Variants in BRD1 observed in about 807,000 individuals in gnomAD.
BRD1 encodes the protein bromodomain containing 1.
Under a neutral mutation model 107.7 loss-of-function variants are expected in BRD1, and 24 were observed. That is an observed-to-expected ratio of 0.22 (90% CI 0.16 to 0.31). The LOEUF is 0.31. Among genes scored for constraint, BRD1 ranks in the 10% least tolerant of loss-of-function variants. The pLI is 1.00. For synonymous variants in BRD1, 744 were observed against 686.1 expected (o/e 1.08, Z -1.32); for missense variants, 1,279 against 1,638.6 (o/e 0.78, Z 3.79).
At chr22:49,800,467 T>C (rs1349292785) in intron 3 of BRD1, among the ~76,000 whole-genome samples, 2 of 152,082 alleles carry the variant, frequency 1.3e-5, no homozygotes, top group Non-Finnish European at 2.9e-5. Context: ...AGCATCTGAG[T>C]ATTGCCTGTC....
chr22:49,787,297 A>AGGGGGG, intron 8 of BRD1, 93 bp downstream of exon 8: 2 of 896,438 alleles, frequency 2.2e-6, no homozygotes, highest in Non-Finnish European at 3.1e-6. Context: ...CAGAAGCTGG[A>AGGGGGG]CACCCCCCCC....
rs113610383 is a variant in BRD1 at position 49,784,373 on chromosome 22, G to A, written c.2857+3017C>T. Among the ~76,000 whole-genome samples the A allele has an allele frequency of 1.1e-3, 170 of 152,196 alleles. 1 individual carries two copies. The highest frequency in any genetic ancestry group is 3.9e-3 in the African/African-American group (160 of 41,458). ...ACAGAGACTCGCAGCAGGGGTCTCC[G>A]CAACGGCGGCGAGTGGAAGGCCGCT... On this transcript the variant is annotated intron_variant, in intron 8 of 12. Transcript: ENST00000404760.
intron 8 of BRD1, among the ~76,000 whole-genome samples, chr22:49,782,508 C>A (rs987619925): frequency 5.7e-5 from 8 of 140,254 alleles, no homozygotes; most frequent in African/African-American, 2.2e-4. Context: ...CTTGCTGGGA[C>A]CTGCTCCATG....
intron 8 of BRD1, among the ~76,000 whole-genome samples, chr22:49,782,767 G>GA (rs1315630868): frequency 8.1e-6 from 1 of 122,990 alleles, no homozygotes; most frequent in Non-Finnish European, 1.7e-5. Context: ...GTCAGAGACA[G>GA]ACCCAAAGCC....
intron 2 of BRD1, among the ~76,000 whole-genome samples, chr22:49,821,250 G>C: frequency 6.6e-6 from 1 of 152,162 alleles, no homozygotes; most frequent in East Asian, 1.9e-4. Context: ...GCCAGGGAAG[G>C]GAGCACTTCA....
chr22:49,796,783 C>T (rs866904196), intron 6 of BRD1, among the ~76,000 whole-genome samples: 19 of 152,240 alleles, frequency 1.2e-4, no homozygotes, highest in Admixed American at 5.9e-4. Flanking sequence ...GGCGAAGCAA[C>T]GATGGCCCAG....
rs1487242752 is a variant in BRD1 at position 49,823,204 on chromosome 22, C to T, written c.1114G>A (p.Gly372Ser). Residue 372 changes from glycine to serine, a missense_variant, in exon 2 of 13, where the codon GGC (glycine) becomes AGC (serine). Physicochemically the swap from Gly to Ser is moderately conservative, Grantham distance 56 (BLOSUM62 0). Transcript: ENST00000404760. Reference sequence around the variant, plus strand: ...CTGACGGAGAAGGTGGTGCCACCGCCAGTCAGTTCCTTCACGGGCTCCATT... The same window carrying T: ...CTGACGGAGAAGGTGGTGCCACCGCTAGTCAGTTCCTTCACGGGCTCCATT... ...MKMEPVKELT[G>S]GGTTFSVRKT... The T allele has an allele frequency of 6.2e-7, 1 of 1,614,218 alleles. No homozygotes were observed. The highest frequency in any genetic ancestry group is 1.3e-5 in the African/African-American group (1 of 75,062).
At chr22:49,804,162 G>A (rs2059696974) in intron 3 of BRD1, 42 bp downstream of exon 3, 2 of 1,515,996 alleles carry the variant, frequency 1.3e-6, no homozygotes, top group East Asian at 2.4e-5. Context: ...GAGGGTGGGG[G>A]TGAGAGACGC....
rs919845787 is a variant in BRD1, at chr22:49,827,610, G to A, written c.-128C>T. 1 of 145,306 alleles carries A rather than the reference G, an allele frequency of 6.9e-6. No individual in the cohort carries two copies. The highest frequency in any genetic ancestry group is 2.5e-5 in the African/African-American group (1 of 40,564). The allele number at this position is 145,306 out of a possible 1,614,324, so 9.0% of individuals were successfully genotyped here. A position where few individuals can be genotyped will look rare whatever the true frequency, so the allele number is the denominator to read the frequency against. On this transcript the variant is annotated 5_prime_UTR_variant, in exon 1 of 13. Transcript: ENST00000404760. ...CCTCCGCCAACGGCCGCGCAGGCCG[G>A]GCCCCGCCGCCGCTCCTGGGCGCGG...
rs1168745456 is a variant in BRD1 at position 49,787,620 on chromosome 22, T to C, written c.2627A>G (p.Asp876Gly). The C allele has an allele frequency of 3.4e-5, 53 of 1,551,374 alleles. No homozygotes were observed. Among genetic ancestry groups the C allele is most frequent in the Non-Finnish European group, 4.4e-5 (51 of 1,147,354 alleles). Residue 876 changes from aspartate (D) to glycine (G), a missense_variant, in exon 8 of 13, where the codon GAT becomes GGT. By Grantham distance (94) the Asp-to-Gly change is moderately conservative. Coordinates refer to ENST00000404760, the MANE Select transcript of BRD1 (RefSeq NM_001304808.3). ...AASAVAEPAS[D>G]VNRRTSVLFC... is the part of the protein sequence containing the mutation. ...GAGAACAGAAGTGCGTCTGTTTACA[T>C]CGCTTGCTGGCTCCGCCACCGCGGA...
intron 5 of BRD1, 145 bp downstream of exon 5, chr22:49,798,413 A>C: frequency 7.2e-7 from 1 of 1,389,662 alleles, no homozygotes; most frequent in Non-Finnish European, 9.9e-7. Flanking sequence ...TCACTTTTAT[A>C]ATTTAAAAAC....
intron 8 of BRD1, among the ~76,000 whole-genome samples, chr22:49,779,336 C>T (rs2059159945): frequency 6.6e-6 from 1 of 152,236 alleles, no homozygotes. Context: ...CCGCTTCATA[C>T]ACTTGCTGTC....
rs770812595 is a variant in BRD1 at position 49,787,577 on chromosome 22, A to T, written c.2670T>A (p.Ser890Arg). ...TCTTGGCAGACTTTGGGGGGCTTAC[A>T]CTTTTCGATTTGCAGAAGAGAACAG... ...RTSVLFCKSK[S>R]VSPPKSAKNT... The change falls in exon 8 of 13, where the codon AGT (serine) becomes AGA (arginine). Residue 890 changes from serine (S) to arginine (R), a missense_variant. Around this residue, in one of 7 missense-constraint regions of BRD1, gnomAD observed 263 missense variants for 251.6 expected, o/e 1.05. Coordinates refer to ENST00000404760, the MANE Select transcript of BRD1 (RefSeq NM_001304808.3). 13 of 1,571,066 alleles carry T rather than the reference A, an allele frequency of 8.3e-6. No homozygotes were observed. The highest frequency in any genetic ancestry group is 1.4e-5 in the African/African-American group (1 of 73,548).
intron 7 of BRD1, among the ~76,000 whole-genome samples, chr22:49,788,845 C>T (rs904883349): frequency 6.6e-6 from 1 of 152,136 alleles, no homozygotes; most frequent in African/African-American, 2.4e-5. Flanking sequence ...TTAAATAATC[C>T]TTAGTATATA....
chr22:49,794,393 T>TGA, intron 6 of BRD1, 99 bp from the exon 7 acceptor site: 1 of 1,474,964 alleles, frequency 6.8e-7, no homozygotes, highest in Non-Finnish European at 9.1e-7. Flanking sequence ...GCCAAGGCCC[T>TGA]GAGAGTGGCT....
At chr22:49,801,089 G>A (rs566708882) in intron 3 of BRD1, among the ~76,000 whole-genome samples, 8 of 152,358 alleles carry the variant, frequency 5.3e-5, no homozygotes, top group African/African-American at 1.2e-4. Context: ...CAGCAAGGAC[G>A]ATGTGGGCAG....
Position 49,824,498 on chromosome 22 carries a change from T to C in BRD1, c.-14-167A>G. On this transcript the variant is annotated intron_variant, in intron 1 of 12. Transcript: ENST00000404760. The surrounding 1 kb of genome is among the most constrained non-coding windows in gnomAD (Gnocchi z 5.9). ...GTGTCCAAAACCACACATCCAGGCC[T>C]GAGCGAGTCCCCAGGACCAGGGAGG... 1 of 1,427,468 alleles carries C rather than the reference T, an allele frequency of 7.0e-7. No individual in the cohort carries two copies. The highest frequency in any genetic ancestry group is 9.1e-7 in the Non-Finnish European group (1 of 1,096,648). The allele number at this position is 1,427,468 out of a possible 1,614,324, so 88.4% of individuals were successfully genotyped here. A position where few individuals can be genotyped will look rare whatever the true frequency, so the allele number is the denominator to read the frequency against.
At chr22:49,816,351 G>A (rs1289048161) in intron 2 of BRD1, among the ~76,000 whole-genome samples, 2 of 152,024 alleles carry the variant, frequency 1.3e-5, no homozygotes, top group Non-Finnish European at 1.5e-5. Flanking sequence ...TCAATTAAAA[G>A]AACAAAACAA....
chr22:49,811,312 T>TG (rs112406659), intron 2 of BRD1, among the ~76,000 whole-genome samples: 1,666 of 152,078 alleles, frequency 0.011, 35 homozygotes, highest in African/African-American at 0.039. Flanking sequence ...GTGATAAAAA[T>TG]TTCTAAAATT....
Sources: allele counts gnomAD v4.1 joint callset (sites outside exome capture counted in the v4.1 genomes callset), GRCh38; gene constraint gnomAD v4.1.1; regional missense constraint gnomAD v4.1.1; non-coding constraint Gnocchi (gnomAD v3.1); transcripts MANE v1.5; gene names NCBI Gene and HGNC (gene_info 2026-07-23, HGNC 2026-07-21).